Variants in CFAP97D1 observed in about 807,000 individuals in gnomAD.
The protein encoded by CFAP97D1 is sperm axonemal maintenance protein CFAP97D1.
Under a neutral mutation model 20.5 loss-of-function variants are expected in CFAP97D1, and 15 were observed. That is an observed-to-expected ratio of 0.73 (90% CI 0.49 to 1.13). The LOEUF (loss-of-function observed/expected upper bound fraction) is 1.13. CFAP97D1 is among the 50% of genes most tolerant of loss of function. CFAP97D1 has a pLI of 0.00. For synonymous variants in CFAP97D1, 58 were observed against 71.2 expected (o/e 0.82, Z 0.93); for missense variants, 168 against 202.9 (o/e 0.83, Z 1.04).
Position 43,783,203 on chromosome 17 carries a change from G to A in CFAP97D1, c.338G>A (p.Arg113His), listed in dbSNP as rs144710507. The A allele has an allele frequency of 9.7e-6, 15 of 1,551,542 alleles. No homozygotes were observed. The highest frequency in any genetic ancestry group is 2.7e-5 in the African/African-American group (2 of 73,136). The change falls in exon 4 of 6, where the codon CGC becomes CAC. Residue 113 changes from arginine (R) to histidine (H), a missense_variant. Physicochemically the swap from Arg to His is conservative, Grantham distance 29. Transcript: ENST00000449302. ...AGCTTAAACAGAGAAACAAGGAACC[G>A]CGAGCTAGTGAGAATCACCATGGAA... ...SKSLNRETRN[R>H]ELVRITMENQ...
At position 43,787,303 on chromosome 17, in the gene CFAP97D1, A is replaced by G. The variant is rs1406109368; in HGVS notation, c.*2921A>G. 1 of 152,206 alleles carries G rather than the reference A, an allele frequency of 6.6e-6. No homozygotes were observed. Among genetic ancestry groups the G allele is most frequent in the Non-Finnish European group, 1.5e-5 (1 of 68,046 alleles). 9.4% of individuals were successfully genotyped at this position (152,206 alleles called of 1,614,324 possible). On this transcript the variant is annotated 3_prime_UTR_variant, in exon 6 of 6. Transcript: ENST00000449302. ...ATAGCAAATTTTGAAAGTTATTTAC[A>G]TATTATAGGAATAAGTCCTTTGCCT...
chr17:43,786,685 C>T lies in CFAP97D1; in HGVS notation c.*2303C>T, dbSNP rs2044294551. 6.6e-6 allele frequency: 1 copy of T among 152,212 alleles called. No individual in the cohort carries two copies. The highest frequency in any genetic ancestry group is 2.4e-5 in the African/African-American group (1 of 41,442). The allele number at this position is 152,212 out of a possible 1,614,324, so 9.4% of individuals were successfully genotyped here. The stretch of plus-strand genomic sequence containing the variant: ...ACTCTTATTGCCACCCTTTTAGCCA[C>T]AGTCACCTCAGACCCTCAAGCCTAA... On this transcript the variant is annotated 3_prime_UTR_variant, in exon 6 of 6. Coordinates refer to ENST00000449302, the MANE Select transcript of CFAP97D1 (RefSeq NM_001136483.3).
Position 43,787,414 on chromosome 17 carries a change from T to C in CFAP97D1, c.*3032T>C, listed in dbSNP as rs757058517. On this transcript the variant is annotated 3_prime_UTR_variant, in exon 6 of 6. Coordinates refer to ENST00000449302, the MANE Select transcript of CFAP97D1 (RefSeq NM_001136483.3). ...CTTTGACAGAGTAAAATATTTTTAT[T>C]TGGATGACATCCAATATATCAATGA... is the stretch of plus-strand genomic sequence containing the variant. 2.0e-5 allele frequency: 3 copies of C among 152,240 alleles called. No homozygotes were observed. Among genetic ancestry groups the C allele is most frequent in the South Asian group, 2.1e-4 (1 of 4,836 alleles). 9.4% of individuals were successfully genotyped at this position (152,240 alleles called of 1,614,324 possible). A position where few individuals can be genotyped will look rare whatever the true frequency, so the allele number is the denominator to read the frequency against.
intron 1 of CFAP97D1, among the ~76,000 whole-genome samples, chr17:43,780,818 G>T (rs1009588414): frequency 3.3e-5 from 5 of 152,176 alleles, no homozygotes; most frequent in African/African-American, 9.7e-5. Flanking sequence ...TTAGAAAGGG[G>T]ATAAGACTTC....
intron 3 of CFAP97D1, 106 bp downstream of exon 3, chr17:43,781,998 A>G (rs1170312615): frequency 4.1e-6 from 3 of 733,232 alleles, no homozygotes; most frequent in Non-Finnish European, 4.8e-6. Flanking sequence ...AAGGGAAGTT[A>G]TCTTGAGGGA....
intron 4 of CFAP97D1, 50 bp from the exon 5 acceptor site, chr17:43,783,787 A>T: frequency 7.5e-7 from 1 of 1,337,708 alleles, no homozygotes; most frequent in Non-Finnish European, 1.0e-6. Flanking sequence ...GAACTTCAGT[A>T]ATAGCACCAA....
intron 3 of CFAP97D1, chr17:43,782,923 C>A: frequency 2.1e-6 from 1 of 470,742 alleles, no homozygotes; most frequent in Non-Finnish European, 3.9e-6. Context: ...GTGCACGGTT[C>A]ACCTCAGATC....
rs574740653 is a variant in CFAP97D1 at position 43,780,752 on chromosome 17, A to C, written c.124+166A>C. ...GCACCAATAACAAAATGTATCTTCC[A>C]CCAGGGAGTTCACTGGATGGAAATA... On this transcript the variant is annotated intron_variant, in intron 1 of 5. Coordinates refer to ENST00000449302, the MANE Select transcript of CFAP97D1 (RefSeq NM_001136483.3). Among the ~76,000 whole-genome samples the C allele has an allele frequency of 2.0e-5, 3 of 152,304 alleles. No homozygotes were observed. The East Asian group carries it at 5.8e-4, about 29-fold the overall frequency.
rs909839343 is a variant in CFAP97D1, at chr17:43,787,268, G to C, written c.*2886G>C. 1.3e-5 allele frequency: 2 copies of C among 152,124 alleles called. No homozygotes were observed. Among genetic ancestry groups the C allele is most frequent in the Admixed American group, 1.3e-4 (2 of 15,274 alleles). The allele number at this position is 152,124 out of a possible 1,614,324, so 9.4% of individuals were successfully genotyped here. On this transcript the variant is annotated 3_prime_UTR_variant, in exon 6 of 6. Coordinates refer to ENST00000449302, the MANE Select transcript of CFAP97D1 (RefSeq NM_001136483.3). Reference sequence around the variant, plus strand: ...AGACATGAGCCACCACACCTGGCCTGATTTTTTAAATAGCAAATTTTGAAA... The same window carrying C: ...AGACATGAGCCACCACACCTGGCCTCATTTTTTAAATAGCAAATTTTGAAA...
rs2154590833 is a variant in CFAP97D1 at position 43,784,649 on chromosome 17, A to C, written c.*267A>C. 1 of 151,860 alleles carries C rather than the reference A, an allele frequency of 6.6e-6. No homozygotes were observed. The highest frequency in any genetic ancestry group is 2.0e-4 in the East Asian group (1 of 5,096). The allele number at this position is 151,860 out of a possible 1,614,324, so 9.4% of individuals were successfully genotyped here. ...CGAGAGAGAGAGAGAGAAATCTGAG[A>C]GAACTCTTTAAAACATACACCATCA... On this transcript the variant is annotated 3_prime_UTR_variant, in exon 6 of 6. Coordinates refer to ENST00000449302, the MANE Select transcript of CFAP97D1 (RefSeq NM_001136483.3).
In CFAP97D1 at chr17:43,781,265, T is replaced by A; in HGVS notation, c.195+76T>A. 4.1e-6 allele frequency: 5 copies of A among 1,217,738 alleles called. No homozygotes were observed. In the South Asian group the frequency reaches 6.5e-5, roughly 16 times the overall value. The allele number at this position is 1,217,738 out of a possible 1,614,324, so 75.4% of individuals were successfully genotyped here. ...AGTCTGTTTCCTAAAGAGGTTCAATTTCCCAGAGCCTTCTAAATACCCATC... is the reference window on the plus strand; with the variant it reads ...AGTCTGTTTCCTAAAGAGGTTCAATATCCCAGAGCCTTCTAAATACCCATC... On this transcript the variant is annotated intron_variant, in intron 2 of 5. Coordinates refer to ENST00000449302, the MANE Select transcript of CFAP97D1 (RefSeq NM_001136483.3).
intron 1 of CFAP97D1, 137 bp from the exon 2 acceptor site, chr17:43,780,982 C>T (rs1487602115): frequency 1.5e-5 from 10 of 653,958 alleles, no homozygotes; most frequent in Non-Finnish European, 2.4e-5. Context: ...ATAAATCAAA[C>T]CAAACTTCTT....
intron 3 of CFAP97D1, 21 bp downstream of exon 3, chr17:43,781,913 T>G (rs1409366398): frequency 6.7e-7 from 1 of 1,489,928 alleles, no homozygotes; most frequent in Admixed American, 2.0e-5. Flanking sequence ...TTGTCTTCAT[T>G]TCAGTTTTGA....
Position 43,783,824 on chromosome 17 carries a change from T to A in CFAP97D1, c.439-13T>A. ...GCCCTGGCATTGACATAAACCAATTTTTTTCCTTCAAGAATTCAAGGCGCT... is the reference window on the plus strand; with the variant it reads ...GCCCTGGCATTGACATAAACCAATTATTTTCCTTCAAGAATTCAAGGCGCT... On this transcript the variant is annotated splice_polypyrimidine_tract_variant and intron_variant, in intron 4 of 5. Transcript: ENST00000449302. 1.3e-6 allele frequency: 2 copies of A among 1,547,862 alleles called. No individual in the cohort carries two copies. The highest frequency in any genetic ancestry group is 1.7e-6 in the Non-Finnish European group (2 of 1,145,138).
rs111671689 is a variant in CFAP97D1 at position 43,783,888 on chromosome 17, G to T, written c.490G>T (p.Glu164Ter). 6.5e-7 allele frequency: 1 copy of T among 1,548,298 alleles called. No individual in the cohort carries two copies. The highest frequency in any genetic ancestry group is 1.4e-5 in the African/African-American group (1 of 73,072). Reference sequence around the variant, plus strand: ...CACGAGATATCTTCTCTCCCAAAATGAATAGGTATGTCTCTCTTACTATCA... The same window carrying T: ...CACGAGATATCTTCTCTCCCAAAATTAATAGGTATGTCTCTCTTACTATCA... ...NTTRYLLSQN[E>*] Residue 164 changes from glutamate to a stop codon, truncating the protein, a stop_gained, in exon 5 of 6, where the codon GAA becomes TAA. Transcript: ENST00000449302. LOFTEE classifies it high-confidence loss of function.
chr17:43,781,153 G>A lies in CFAP97D1; in HGVS notation c.159G>A (p.Ala53=), dbSNP rs1003371397. ...KPTVDTKPPV[A]HTNHILKLSK... The stretch of plus-strand genomic sequence containing the variant: ...CTGTTGATACCAAACCTCCAGTGGC[G>A]CACACAAATCACATTTTAAAATTGA... Residue 53 remains alanine, a synonymous_variant, in exon 2 of 6, where the codon GCG becomes GCA. Transcript: ENST00000449302. The A allele has an allele frequency of 4.4e-5, 68 of 1,551,252 alleles. No individual in the cohort carries two copies. The Admixed American group carries it at 7.3e-4, about 17-fold the overall frequency.
In CFAP97D1 at chr17:43,785,028, A is replaced by T. The variant is rs1598305637; in HGVS notation, c.*646A>T. The stretch of plus-strand genomic sequence containing the variant: ...GAGAGAGAGAGAGAGAGAGAGAGTG[A>T]GAGAGATAGATAGAGAGTGAGAGAG... On this transcript the variant is annotated 3_prime_UTR_variant, in exon 6 of 6. Transcript: ENST00000449302. 2.0e-5 allele frequency: 3 copies of T among 149,124 alleles called. No homozygotes were observed. Among genetic ancestry groups the T allele is most frequent in the African/African-American group, 7.5e-5 (3 of 39,766 alleles). 9.2% of individuals were successfully genotyped at this position (149,124 alleles called of 1,614,324 possible). A position where few individuals can be genotyped will look rare whatever the true frequency, so the allele number is the denominator to read the frequency against.
At position 43,785,065 on chromosome 17, in the gene CFAP97D1, G is replaced by A. The variant is rs75723816; in HGVS notation, c.*683G>A. On this transcript the variant is annotated 3_prime_UTR_variant, in exon 6 of 6. Coordinates refer to ENST00000449302, the MANE Select transcript of CFAP97D1 (RefSeq NM_001136483.3). ...AGAGAGTGAGAGAGAGAGAGAAAGAGAGAGAGAGAGGAGAGGATTTATTTG... is the reference window on the plus strand; with the variant it reads ...AGAGAGTGAGAGAGAGAGAGAAAGAAAGAGAGAGAGGAGAGGATTTATTTG... The A allele has an allele frequency of 0.1, 15,415 of 152,052 alleles. 976 individuals carry two copies. The highest frequency in any genetic ancestry group is 0.17 in the African/African-American group (6,967 of 41,328). 9.4% of individuals were successfully genotyped at this position (152,052 alleles called of 1,614,324 possible). A position where few individuals can be genotyped will look rare whatever the true frequency, so the allele number is the denominator to read the frequency against.
intron 4 of CFAP97D1, 120 bp downstream of exon 4, chr17:43,783,423 C>T (rs909364982): frequency 1.1e-5 from 14 of 1,316,276 alleles, no homozygotes; most frequent in Admixed American, 2.7e-5. Context: ...ATGTAACAAT[C>T]GTTAAAAGAA....
Sources: gnomAD v4.1 joint callset for allele counts (sites outside exome capture counted in the v4.1 genomes callset) on GRCh38, gnomAD v4.1.1 for gene constraint, MANE v1.5 for transcripts, NCBI Gene and HGNC (gene_info 2026-07-23, HGNC 2026-07-21) for gene names.